Variants in WWOX observed in about 807,000 individuals in gnomAD.
The protein encoded by WWOX is WW domain-containing oxidoreductase.
Under a neutral mutation model 46.2 loss-of-function variants are expected in WWOX, and 69 were observed. The ratio of observed to expected loss-of-function variants is 1.49; its 90% CI spans 1.23 to 1.82. WWOX has a LOEUF of 1.82. Among genes scored for constraint, WWOX ranks in the 40% most tolerant of loss-of-function variants. WWOX has a pLI of 0.00. For synonymous variants in WWOX, 359 were observed against 202.6 expected (o/e 1.77, Z -6.56); for missense variants, 919 against 542.6 (o/e 1.69, Z -6.89).
chr16:78,439,063 C>A (rs934569585), intron 8 of WWOX, among the ~76,000 whole-genome samples: 2 of 152,148 alleles, frequency 1.3e-5, no homozygotes, highest in African/African-American at 2.4e-5. Flanking sequence ...TAAATACCTG[C>A]AGCTGACTAC....
chr16:78,875,017 A>G (rs1434005336), intron 8 of WWOX, among the ~76,000 whole-genome samples: 2 of 152,118 alleles, frequency 1.3e-5, no homozygotes, highest in Admixed American at 1.3e-4. Context: ...GGAATCTTTC[A>G]ATATCCTATG....
intron 8 of WWOX, among the ~76,000 whole-genome samples, chr16:78,522,443 C>T (rs1451435922): frequency 6.6e-6 from 1 of 152,166 alleles, no homozygotes; most frequent in Non-Finnish European, 1.5e-5. Flanking sequence ...AGTCACTCAT[C>T]CTGCTCTCGG....
At chr16:78,854,802 G>C (rs760319806) in intron 8 of WWOX, among the ~76,000 whole-genome samples, 4 of 151,988 alleles carry the variant, frequency 2.6e-5, no homozygotes, top group Non-Finnish European at 5.9e-5. Context: ...GGCTGGTGTT[G>C]AACCCCCGAC....
intron 8 of WWOX, among the ~76,000 whole-genome samples, chr16:78,979,249 C>T (rs2046633662): frequency 6.6e-6 from 1 of 152,124 alleles, no homozygotes; most frequent in South Asian, 2.1e-4. Context: ...GTAAAACAAG[C>T]CATCCCCATT....
rs537001439 is a variant in WWOX, at chr16:78,902,154, T to C, written c.1057-309454T>C. On this transcript the variant is annotated intron_variant, in intron 8 of 8. Transcript: ENST00000566780. The stretch of plus-strand genomic sequence containing the variant: ...CTGCAGGAAGCAAGGGAAACATTTT[T>C]CTTCTGGAGAATCGGGCAGCCTGCA... Among the ~76,000 whole-genome samples, 10 of 152,332 alleles carry C rather than the reference T, an allele frequency of 6.6e-5. No homozygotes were observed. The East Asian group carries it at 1.5e-3, about 24-fold the overall frequency.
intron 8 of WWOX, among the ~76,000 whole-genome samples, chr16:78,613,962 T>C (rs2045959528): frequency 1.3e-5 from 2 of 152,238 alleles, no homozygotes; most frequent in South Asian, 4.1e-4. Flanking sequence ...CGTACTGCGA[T>C]GGCTGCTTTC....
chr16:78,611,980 C>T (rs2045911407), intron 8 of WWOX, among the ~76,000 whole-genome samples: 1 of 152,202 alleles, frequency 6.6e-6, no homozygotes, highest in Admixed American at 6.5e-5. Context: ...GCCTAGCCCA[C>T]AGATGGGGTC....
chr16:78,707,409 C>G (rs757533886), intron 8 of WWOX, among the ~76,000 whole-genome samples: 12 of 152,158 alleles, frequency 7.9e-5, no homozygotes, highest in Non-Finnish European at 1.3e-4. Flanking sequence ...GAGCATTGCT[C>G]CTTTTTATGC....
At chr16:78,497,612 A>G (rs2084948264) in intron 8 of WWOX, among the ~76,000 whole-genome samples, 1 of 152,232 alleles carries the variant, frequency 6.6e-6, no homozygotes, top group Non-Finnish European at 1.5e-5. Flanking sequence ...AAATGCAAGA[A>G]AAGAATCTGA....
chr16:78,760,603 C>T (rs776922708), intron 8 of WWOX, among the ~76,000 whole-genome samples: 5 of 152,166 alleles, frequency 3.3e-5, no homozygotes, highest in Non-Finnish European at 5.9e-5. Context: ...TGTGTCTCCC[C>T]TCCAAGAACA....
chr16:78,188,475 G>A (rs1419688911), intron 5 of WWOX, among the ~76,000 whole-genome samples: 1 of 137,516 alleles, frequency 7.3e-6, no homozygotes, highest in East Asian at 2.1e-4. Context: ...GTGACAGAGC[G>A]AGACTCTGTC....
chr16:78,924,794 T>A (rs140518731), intron 8 of WWOX, among the ~76,000 whole-genome samples: 2 of 152,348 alleles, frequency 1.3e-5, no homozygotes, highest in East Asian at 1.9e-4. Flanking sequence ...CTTATAGACA[T>A]CTCTTTTAGA....
chr16:78,606,718 G>GTTTTTTTTTTTTTT (rs59612285), intron 8 of WWOX, among the ~76,000 whole-genome samples: 1 of 121,078 alleles, frequency 8.3e-6, no homozygotes, highest in African/African-American at 3.4e-5. Flanking sequence ...CAGAATTGCA[G>GTTTTTTTTTTTTTT]TTTTTTTTTT....
At chr16:78,231,967 G>C (rs1454388412) in intron 5 of WWOX, among the ~76,000 whole-genome samples, 3 of 152,074 alleles carry the variant, frequency 2.0e-5, no homozygotes, top group African/African-American at 7.2e-5. Context: ...TTGACTGCCT[G>C]CTATGGAGGT....
chr16:78,305,055 C>T (rs1311179466), intron 5 of WWOX, among the ~76,000 whole-genome samples: 1 of 151,970 alleles, frequency 6.6e-6, no homozygotes, highest in African/African-American at 2.4e-5. Context: ...TAAACTCAGG[C>T]ACTCACCCCA....
intron 8 of WWOX, among the ~76,000 whole-genome samples, chr16:79,002,607 T>C (rs1209070497): frequency 6.6e-6 from 1 of 152,236 alleles, no homozygotes; most frequent in Non-Finnish European, 1.5e-5. Flanking sequence ...ATCAGTTATT[T>C]TGAGCTCTGA....
chr16:78,491,503 C>G (rs1199240842), intron 8 of WWOX, among the ~76,000 whole-genome samples: 1 of 152,086 alleles, frequency 6.6e-6, no homozygotes, highest in African/African-American at 2.4e-5. Flanking sequence ...TTTGCTGTCA[C>G]CCAGGCTGGA....
At chr16:79,022,013 A>ATTTATCAATCCCT (rs752746242) in intron 8 of WWOX, among the ~76,000 whole-genome samples, 5 of 152,214 alleles carry the variant, frequency 3.3e-5, no homozygotes, top group Non-Finnish European at 5.9e-5. Context: ...AGGGATTGAT[A>ATTTATCAATCCCT]TTGACCAGCT....
At chr16:78,521,247 G>T (rs1053010439) in intron 8 of WWOX, among the ~76,000 whole-genome samples, 3 of 152,100 alleles carry the variant, frequency 2.0e-5, no homozygotes, top group African/African-American at 7.2e-5. Context: ...ATTAGAGACG[G>T]GATCTTGCTG....
Sources: gnomAD v4.1 joint callset for allele counts (sites outside exome capture counted in the v4.1 genomes callset) on GRCh38, gnomAD v4.1.1 for gene constraint, MANE v1.5 for transcripts, NCBI Gene and HGNC (gene_info 2026-07-23, HGNC 2026-07-21) for gene names.